The following SIL1 variants were observed in gnomAD, a reference collection of about 807,000 sequenced individuals.
The protein encoded by SIL1 is SIL1 nucleotide exchange factor, also known as nucleotide exchange factor SIL1.
In SIL1, 40 loss-of-function variants were observed where a neutral mutation model predicts 49.1. That is an observed-to-expected ratio of 0.81 (90% CI 0.63 to 1.06). The LOEUF (loss-of-function observed/expected upper bound fraction) is 1.06, where lower values mean the gene tolerates loss of function less well. Among genes scored for constraint, SIL1 ranks in the 50% least tolerant of loss-of-function variants. The pLI is 0.00. For synonymous variants in SIL1, 253 were observed against 250.8 expected (o/e 1.01, Z -0.08); for missense variants, 500 against 572.6 (o/e 0.87, Z 1.29).
intron 7 of SIL1, among the ~76,000 whole-genome samples, chr5:138,958,215 C>A (rs1766942615): frequency 6.6e-6 from 1 of 152,158 alleles, no homozygotes. Context: ...AAAGTGCAGG[C>A]CAGTGGTAGA....
rs1751027817 is a variant in SIL1 at position 139,138,879 on chromosome 5, C to CT, written c.-10-11027dup. On this transcript the variant is annotated intron_variant, in intron 1 of 9. Transcript: ENST00000394817. ...AGCCCCTCTTTGGAGACTAGCTTCC[C>CT]TGAGCCACAAGTCAGCCCACACACC... Among the ~76,000 whole-genome samples the CT allele has an allele frequency of 2.6e-5, 4 of 152,208 alleles. No homozygotes were observed. The South Asian group carries it at 8.3e-4, about 32-fold the overall frequency.
intron 1 of SIL1, among the ~76,000 whole-genome samples, chr5:139,153,648 C>A (rs1479442878): frequency 1.3e-5 from 2 of 152,144 alleles, no homozygotes; most frequent in African/African-American, 4.8e-5. Context: ...ACCTTAAGCA[C>A]GTTCATCAGC....
At chr5:139,087,550 A>C (rs1422008060) in intron 3 of SIL1, among the ~76,000 whole-genome samples, 1 of 152,158 alleles carries the variant, frequency 6.6e-6, no homozygotes, top group Non-Finnish European at 1.5e-5. Context: ...ATCTCAAAAA[A>C]TAAAAATAAG....
At chr5:139,107,750 A>C (rs1483818342) in intron 3 of SIL1, among the ~76,000 whole-genome samples, 1 of 152,210 alleles carries the variant, frequency 6.6e-6, no homozygotes, top group East Asian at 1.9e-4. Context: ...ACTGATTTTT[A>C]ATACAACAGA....
At chr5:139,030,624 A>T (rs1288255093) in intron 5 of SIL1, among the ~76,000 whole-genome samples, 1 of 151,816 alleles carries the variant, frequency 6.6e-6, no homozygotes, top group Non-Finnish European at 1.5e-5. Context: ...AAAAAAAAAA[A>T]AGCAAGAAAG....
chr5:139,057,227 C>CAA (rs1384997005), intron 3 of SIL1, among the ~76,000 whole-genome samples: 1 of 149,282 alleles, frequency 6.7e-6, no homozygotes, highest in Admixed American at 6.6e-5. Flanking sequence ...GACCTTTGTT[C>CAA]ACTTGTTTAT....
At chr5:139,162,181 A>T (rs1751526567) in intron 1 of SIL1, among the ~76,000 whole-genome samples, 2 of 152,184 alleles carry the variant, frequency 1.3e-5, no homozygotes, top group African/African-American at 4.8e-5. Flanking sequence ...CAGAAAGAGA[A>T]GCACTATCCC....
chr5:139,064,187 T>C (rs928536059), intron 3 of SIL1, among the ~76,000 whole-genome samples: 2 of 152,216 alleles, frequency 1.3e-5, no homozygotes, highest in Non-Finnish European at 2.9e-5. Flanking sequence ...TACTGACTTC[T>C]ACAATTTCCC....
At chr5:139,056,612 C>T (rs1284677780) in intron 3 of SIL1, among the ~76,000 whole-genome samples, 4 of 147,074 alleles carry the variant, frequency 2.7e-5, no homozygotes, top group African/African-American at 7.9e-5. Context: ...GTCAGCCCCC[C>T]GCCCGGCCAG....
intron 1 of SIL1, among the ~76,000 whole-genome samples, chr5:139,169,834 CTCTCCCT>C (rs922081894): frequency 6.6e-6 from 1 of 151,594 alleles, no homozygotes; most frequent in Non-Finnish European, 1.5e-5. Flanking sequence ...CCCCTCTCCC[CTCTCCCT>C]CTCCCCACGG....
At chr5:138,951,145 G>A (rs1348985037) in intron 9 of SIL1, 26 bp downstream of exon 9, 1 of 1,608,638 alleles carries the variant, frequency 6.2e-7, no homozygotes, top group Non-Finnish European at 8.5e-7. Flanking sequence ...CAAACAAGAG[G>A]AGACTGGGTG....
Position 139,015,518 on chromosome 5 carries a change from A to C in SIL1, c.767+5653T>G, listed in dbSNP as rs1020529445. 5.9e-5 allele frequency among the ~76,000 whole-genome samples: 9 copies of C among 152,360 alleles called. No individual in the cohort carries two copies. The East Asian group carries it at 1.7e-3, about 29-fold the overall frequency. ...GAAGTAGATGGTTCCAAAATCACGA[A>C]AGTGGCTAAACTACATCATAAATAA... On this transcript the variant is annotated intron_variant, in intron 7 of 9. Coordinates refer to ENST00000394817, the MANE Select transcript of SIL1 (RefSeq NM_022464.5).
At chr5:139,047,395 G>A (rs1252455367) in intron 4 of SIL1, among the ~76,000 whole-genome samples, 1 of 152,228 alleles carries the variant, frequency 6.6e-6, no homozygotes, top group African/African-American at 2.4e-5. Flanking sequence ...AGGCTTTAGA[G>A]CCCACAAGCA....
At chr5:139,066,177 C>T (rs545699075) in intron 3 of SIL1, among the ~76,000 whole-genome samples, 5 of 152,234 alleles carry the variant, frequency 3.3e-5, no homozygotes, top group East Asian at 3.9e-4. Context: ...TGCTGCCCTC[C>T]GAAGTACCAA....
intron 7 of SIL1, among the ~76,000 whole-genome samples, chr5:138,998,315 GCAC>G (rs1427986703): frequency 6.6e-6 from 1 of 152,044 alleles, no homozygotes; most frequent in Non-Finnish European, 1.5e-5. Flanking sequence ...CCACAGGCGC[GCAC>G]CACCACACTT....
chr5:139,166,340 C>T (rs776164826), intron 1 of SIL1, among the ~76,000 whole-genome samples: 17 of 152,120 alleles, frequency 1.1e-4, no homozygotes, highest in Non-Finnish European at 2.2e-4. Context: ...CTTCTTATTG[C>T]TATTTTAGAG....
At chr5:139,119,038 G>A (rs1750548934) in intron 3 of SIL1, among the ~76,000 whole-genome samples, 1 of 152,202 alleles carries the variant, frequency 6.6e-6, no homozygotes, top group Non-Finnish European at 1.5e-5. Flanking sequence ...GGGTGCAACT[G>A]CAACACACCA....
intron 3 of SIL1, among the ~76,000 whole-genome samples, chr5:139,070,775 A>AG (rs1769814835): frequency 6.6e-6 from 1 of 152,234 alleles, no homozygotes; most frequent in Non-Finnish European, 1.5e-5. Flanking sequence ...TCATCTTCAG[A>AG]GGATCAACTC....
intron 6 of SIL1, 138 bp downstream of exon 6, chr5:139,026,663 T>C (rs1768658069): frequency 2.4e-6 from 2 of 841,150 alleles, no homozygotes; most frequent in East Asian, 2.6e-5. Flanking sequence ...CTACAAAAGA[T>C]AACAAGACTA....
Sources: gnomAD v4.1 joint callset for allele counts (sites outside exome capture counted in the v4.1 genomes callset) on GRCh38, gnomAD v4.1.1 for gene constraint, MANE v1.5 for transcripts, NCBI Gene and HGNC (gene_info 2026-07-23, HGNC 2026-07-21) for gene names.